MARCHF11: variants seen among roughly 807,000 people sequenced by gnomAD.
The protein encoded by MARCHF11 is E3 ubiquitin-protein ligase MARCHF11.
In MARCHF11, 29 loss-of-function variants were observed where a neutral mutation model predicts 37.3. That is an observed-to-expected ratio of 0.78 (90% confidence interval 0.58 to 1.06). The LOEUF is 1.06. Among genes scored for constraint, MARCHF11 ranks in the 50% least tolerant of loss-of-function variants. The pLI is 0.00. For synonymous variants in MARCHF11, 233 were observed against 228.0 expected, an observed-to-expected ratio of 1.02 and a Z score of -0.20; for missense variants, 482 against 533.4, an observed-to-expected ratio of 0.90 and a Z score of 0.95.
At chr5:16,150,602 T>G (rs1379016041) in intron 2 of MARCHF11, among the ~76,000 whole-genome samples, 1 of 150,872 alleles carries the variant, frequency 6.6e-6, no homozygotes, top group African/African-American at 2.5e-5. Context: ...ATGGTTTTTA[T>G]CCGGTATTAG....
intron 2 of MARCHF11, among the ~76,000 whole-genome samples, chr5:16,116,862 T>G (rs557262654): frequency 1.3e-5 from 2 of 152,330 alleles, no homozygotes; most frequent in South Asian, 4.1e-4. Context: ...CCATCCCATG[T>G]ATGGTCAGAG....
At position 16,147,995 on chromosome 5, in the gene MARCHF11, G is replaced by A. The variant is rs535650618; in HGVS notation, c.693+29731C>T. 2.6e-5 allele frequency among the ~76,000 whole-genome samples: 4 copies of A among 152,186 alleles called. No homozygotes were observed. The East Asian group carries it at 7.8e-4, about 29-fold the overall frequency. ...ATTGTATATTCCAGAGAATATCTAT[G>A]TCACCAAGTAGGCTACATGACACCA... On this transcript the variant is annotated intron_variant, in intron 2 of 3. Coordinates refer to ENST00000332432, the MANE Select transcript of MARCHF11 (RefSeq NM_001102562.3).
At chr5:16,154,401 T>G (rs149493659) in intron 2 of MARCHF11, among the ~76,000 whole-genome samples, 161 of 152,128 alleles carry the variant, frequency 1.1e-3, no homozygotes, top group African/African-American at 3.6e-3. Context: ...CAAGTCTCAG[T>G]AATACTGAAA....
chr5:16,071,587 T>C (rs897059461), intron 3 of MARCHF11, among the ~76,000 whole-genome samples: 8 of 152,196 alleles, frequency 5.3e-5, no homozygotes, highest in African/African-American at 9.6e-5. Flanking sequence ...AAATAAGTGA[T>C]GGGGAAGGCT....
At position 16,151,685 on chromosome 5, in the gene MARCHF11, G is replaced by GTGTGTGTC. The variant is rs1303316867; in HGVS notation, c.693+26033_693+26040dup. Among the ~76,000 whole-genome samples the GTGTGTGTC allele has an allele frequency of 7.2e-4, 108 of 150,202 alleles. 1 individual carries two copies. The highest frequency in any genetic ancestry group is 2.5e-3 in the African/African-American group (102 of 40,684). ...TGTGTGTGTGTGTGTGTGTGTGTGT[G>GTGTGTGTC]TGTGTGTCTGGAACTATTGAAAGCT... is the stretch of plus-strand genomic sequence containing the variant. On this transcript the variant is annotated intron_variant, in intron 2 of 3. Coordinates refer to ENST00000332432, the MANE Select transcript of MARCHF11 (RefSeq NM_001102562.3).
At chr5:16,100,601 T>A in intron 2 of MARCHF11, among the ~76,000 whole-genome samples, 1 of 152,166 alleles carries the variant, frequency 6.6e-6, no homozygotes, top group African/African-American at 2.4e-5. Flanking sequence ...ATTAGTGAGA[T>A]GGGCCTTACA....
intron 2 of MARCHF11, among the ~76,000 whole-genome samples, chr5:16,134,389 T>G (rs558070955): frequency 6.6e-6 from 1 of 152,136 alleles, no homozygotes; most frequent in African/African-American, 2.4e-5. Context: ...GATCTCTTAT[T>G]GCCTTCTCTT....
At chr5:16,100,209 C>T (rs539125817) in intron 2 of MARCHF11, among the ~76,000 whole-genome samples, 6 of 152,240 alleles carry the variant, frequency 3.9e-5, no homozygotes, top group African/African-American at 1.4e-4. Context: ...AGGAGACAGC[C>T]TCTAGGAAGA....
intron 2 of MARCHF11, among the ~76,000 whole-genome samples, chr5:16,138,504 T>C (rs1300676697): frequency 6.6e-6 from 1 of 152,208 alleles, no homozygotes; most frequent in Non-Finnish European, 1.5e-5. Context: ...GCTAGGGCAA[T>C]GCAGAAGGGA....
At chr5:16,106,729 T>C (rs1368705508) in intron 2 of MARCHF11, among the ~76,000 whole-genome samples, 1 of 152,178 alleles carries the variant, frequency 6.6e-6, no homozygotes, top group East Asian at 1.9e-4. Flanking sequence ...GCCATTGACA[T>C]CTAGCGGGTA....
chr5:16,068,900 G>A (rs907637002), intron 3 of MARCHF11, among the ~76,000 whole-genome samples: 1 of 152,220 alleles, frequency 6.6e-6, no homozygotes, highest in Non-Finnish European at 1.5e-5. Flanking sequence ...TGTGAGCAGA[G>A]CATGTCGGCT....
intron 2 of MARCHF11, among the ~76,000 whole-genome samples, chr5:16,099,059 G>A (rs1249857163): frequency 1.3e-5 from 2 of 151,770 alleles, no homozygotes; most frequent in African/African-American, 4.8e-5. Flanking sequence ...CACTTTTTAA[G>A]CTTAATAAAA....
intron 2 of MARCHF11, among the ~76,000 whole-genome samples, chr5:16,119,979 C>A: frequency 6.6e-6 from 1 of 152,334 alleles, no homozygotes; most frequent in South Asian, 2.1e-4. Flanking sequence ...GCTTACTTAA[C>A]TCAAGGACAC....
chr5:16,128,743 T>TA (rs1192034786), intron 2 of MARCHF11, among the ~76,000 whole-genome samples: 2 of 152,170 alleles, frequency 1.3e-5, no homozygotes, highest in East Asian at 3.9e-4. Flanking sequence ...ATGCCAAACT[T>TA]GACTGTTTGT....
intron 3 of MARCHF11, among the ~76,000 whole-genome samples, chr5:16,071,897 A>T (rs1736443780): frequency 6.6e-6 from 1 of 152,114 alleles, no homozygotes; most frequent in Non-Finnish European, 1.5e-5. Flanking sequence ...TACACGCACA[A>T]TTTTCATTTA....
chr5:16,117,386 A>C (rs1737240659), intron 2 of MARCHF11, among the ~76,000 whole-genome samples: 1 of 152,240 alleles, frequency 6.6e-6, no homozygotes, highest in African/African-American at 2.4e-5. Flanking sequence ...AAAATGGTGC[A>C]AACTTTTCTT....
intron 2 of MARCHF11, among the ~76,000 whole-genome samples, chr5:16,103,677 T>A (rs1305539441): frequency 6.6e-6 from 1 of 152,214 alleles, no homozygotes; most frequent in Non-Finnish European, 1.5e-5. Flanking sequence ...ATATAGGGGA[T>A]GCTTTGACCA....
intron 3 of MARCHF11, among the ~76,000 whole-genome samples, chr5:16,080,505 C>A (rs571785335): frequency 6.6e-6 from 1 of 152,324 alleles, no homozygotes; most frequent in African/African-American, 2.4e-5. Context: ...ACACTGGCCA[C>A]ATCCACTTGG....
At chr5:16,168,502 G>A (rs918847672) in intron 2 of MARCHF11, among the ~76,000 whole-genome samples, 1 of 152,148 alleles carries the variant, frequency 6.6e-6, no homozygotes, top group Non-Finnish European at 1.5e-5. Context: ...TAGTATGACT[G>A]AGAGAGACCA....
Sources: gnomAD v4.1 joint callset for allele counts (sites outside exome capture counted in the v4.1 genomes callset) on GRCh38, gnomAD v4.1.1 for gene constraint, MANE v1.5 for transcripts, NCBI Gene and HGNC (gene_info 2026-07-23, HGNC 2026-07-21) for gene names.